The following SGCZ variants were observed in gnomAD, a reference collection of about 807,000 sequenced individuals.
SGCZ encodes the protein zeta-sarcoglycan.
A neutral mutation model predicts 41.3 loss-of-function variants in SGCZ; 40 were observed. The ratio of observed to expected loss-of-function variants is 0.97; its 90% confidence interval spans 0.75 to 1.26. SGCZ has a LOEUF of 1.26. SGCZ is among the 50% of genes most tolerant of loss of function. The pLI is 0.00. For missense variants in SGCZ, 552 were observed against 369.8 expected, an observed-to-expected ratio of 1.49 and a Z score of -4.04; for synonymous variants, 206 against 137.5, an observed-to-expected ratio of 1.50 and a Z score of -3.49.
intron 1 of SGCZ, among the ~76,000 whole-genome samples, chr8:15,163,227 G>A (rs537068119): frequency 4.6e-4 from 70 of 152,264 alleles, no homozygotes; most frequent in Non-Finnish European, 6.9e-4. Context: ...GTCGGCCACC[G>A]TTTTAAACAC....
intron 4 of SGCZ, among the ~76,000 whole-genome samples, chr8:14,183,412 T>C (rs751087501): frequency 4.6e-5 from 7 of 152,182 alleles, no homozygotes; most frequent in Admixed American, 1.3e-4. Context: ...ATGAGGTTAG[T>C]AGAATTTTGC....
At position 14,462,130 on chromosome 8, in the gene SGCZ, A is replaced by T. The variant is rs148608455; in HGVS notation, c.234+92602T>A. Among the ~76,000 whole-genome samples, 683 of 152,160 alleles carry T rather than the reference A, an allele frequency of 4.5e-3. 8 individuals carry two copies. The highest frequency in any genetic ancestry group is 0.015 in the African/African-American group (628 of 41,542). On this transcript the variant is annotated intron_variant, in intron 2 of 7. Transcript: ENST00000382080. ...TTGACTCTTCTCATAGACATGTTTT[A>T]AATATTTAACATTGTGACACTCAAT...
At chr8:14,205,398 A>T (rs1471944196) in intron 4 of SGCZ, among the ~76,000 whole-genome samples, 1 of 152,184 alleles carries the variant, frequency 6.6e-6, no homozygotes. Flanking sequence ...AGAAAGTTAA[A>T]ATTTAATGTT....
rs537675828 is a variant in SGCZ at position 14,514,561 on chromosome 8, A to G, written c.234+40171T>C. On this transcript the variant is annotated intron_variant, in intron 2 of 7. Coordinates refer to ENST00000382080, the MANE Select transcript of SGCZ (RefSeq NM_139167.4). ...TTATCATCAGTGTATGAATTTTCTC[A>G]TGTTCCCTCTCATACATATATATTA... Among the ~76,000 whole-genome samples, 35 of 151,306 alleles carry G rather than the reference A, an allele frequency of 2.3e-4. 1 individual carries two copies. The highest frequency in any genetic ancestry group is 7.5e-4 in the African/African-American group (31 of 41,346).
chr8:14,390,559 C>G (rs1210110438), intron 2 of SGCZ, among the ~76,000 whole-genome samples: 2 of 151,662 alleles, frequency 1.3e-5, no homozygotes, highest in Non-Finnish European at 3.0e-5. Flanking sequence ...CTGAAAAATT[C>G]TGATTTAAAA....
chr8:15,186,262 C>CAAAAAAAAAAAAAAAAAAAA lies in SGCZ; in HGVS notation c.39+51303_39+51322dup, dbSNP rs61237091. 7.4e-5 allele frequency among the ~76,000 whole-genome samples: 6 copies of CAAAAAAAAAAAAAAAAAAAA among 80,718 alleles called. 1 individual carries two copies. The highest frequency in any genetic ancestry group is 2.8e-4 in the Admixed American group (2 of 7,204). The allele number at this position is 80,718 out of a possible 152,430, so 53.0% of individuals were successfully genotyped here. On this transcript the variant is annotated intron_variant, in intron 1 of 7. Coordinates refer to ENST00000382080, the MANE Select transcript of SGCZ (RefSeq NM_139167.4). ...GGGCAACAGAGGGAAGATTCCGTAC[C>CAAAAAAAAAAAAAAAAAAAA]AAAAAAAAAAAAAAAAAAAAAAAAA...
intron 1 of SGCZ, among the ~76,000 whole-genome samples, chr8:15,081,128 AACTCAT>A (rs1805732839): frequency 6.6e-6 from 1 of 152,142 alleles, no homozygotes. Context: ...AACCCTAGCA[AACTCAT>A]ATAGTATGCT....
chr8:14,958,834 T>C (rs925631684), intron 1 of SGCZ, among the ~76,000 whole-genome samples: 1 of 151,990 alleles, frequency 6.6e-6, no homozygotes, highest in Non-Finnish European at 1.5e-5. Context: ...AATATAAAGG[T>C]TGAATGACAG....
intron 1 of SGCZ, among the ~76,000 whole-genome samples, chr8:14,580,650 T>C (rs978188388): frequency 2.6e-5 from 4 of 152,202 alleles, no homozygotes; most frequent in African/African-American, 7.2e-5. Flanking sequence ...TATCAATACA[T>C]GGATTAGGAC....
intron 1 of SGCZ, among the ~76,000 whole-genome samples, chr8:15,124,752 GGGAA>G (rs1264680368): frequency 6.6e-6 from 1 of 151,982 alleles, no homozygotes; most frequent in African/African-American, 2.4e-5. Context: ...ATGCCAAAGG[GGGAA>G]CATAAGATCA....
intron 2 of SGCZ, among the ~76,000 whole-genome samples, chr8:14,472,003 A>T (rs1415940957): frequency 6.6e-6 from 1 of 152,052 alleles, no homozygotes; most frequent in Non-Finnish European, 1.5e-5. Flanking sequence ...GCAGTTAATA[A>T]ATAATAATAA....
chr8:14,822,183 T>C (rs778212788), intron 1 of SGCZ, among the ~76,000 whole-genome samples: 45 of 152,190 alleles, frequency 3.0e-4, no homozygotes, highest in Non-Finnish European at 5.4e-4. Context: ...ATAGCGTTTG[T>C]ATAGGCTAAT....
intron 2 of SGCZ, among the ~76,000 whole-genome samples, chr8:14,492,737 G>A (rs374583044): frequency 6.6e-6 from 1 of 152,126 alleles, no homozygotes; most frequent in African/African-American, 2.4e-5. Flanking sequence ...ATTTGGAAAA[G>A]TTCCATTTCG....
At chr8:14,152,989 A>T (rs1422819499) in intron 5 of SGCZ, among the ~76,000 whole-genome samples, 1 of 152,108 alleles carries the variant, frequency 6.6e-6, no homozygotes, top group African/African-American at 2.4e-5. Context: ...TGTAGAAATG[A>T]AGAACAAATA....
In SGCZ at chr8:14,632,007, T is replaced by G. The variant is rs549793215; in HGVS notation, c.40-77081A>C. The stretch of plus-strand genomic sequence containing the variant: ...ACATTTTACTTTTCTTGTTAGTGCT[T>G]AAATTATTTTATTTTATTTATTTAT... On this transcript the variant is annotated intron_variant, in intron 1 of 7. Coordinates refer to ENST00000382080, the MANE Select transcript of SGCZ (RefSeq NM_139167.4). Among the ~76,000 whole-genome samples, 198 of 151,456 alleles carry G rather than the reference T, an allele frequency of 1.3e-3. 3 individuals are homozygous for G. Among genetic ancestry groups the G allele is most frequent in the African/African-American group, 4.1e-3 (171 of 41,308 alleles).
rs531019407 is a variant in SGCZ at position 14,628,734 on chromosome 8, C to A, written c.40-73808G>T. Among the ~76,000 whole-genome samples, 35 of 152,156 alleles carry A rather than the reference C, an allele frequency of 2.3e-4. No homozygotes were observed. The East Asian group carries it at 6.2e-3, about 27-fold the overall frequency. On this transcript the variant is annotated intron_variant, in intron 1 of 7. Coordinates refer to ENST00000382080, the MANE Select transcript of SGCZ (RefSeq NM_139167.4). The stretch of plus-strand genomic sequence containing the variant: ...TTTCATTTTGGTTATCTCCTCATAA[C>A]CTAAAAATTGAAAATGTCTGCTTTC...
chr8:14,338,820 G>A (rs1409702622), intron 2 of SGCZ, among the ~76,000 whole-genome samples: 1 of 152,096 alleles, frequency 6.6e-6, no homozygotes, highest in East Asian at 1.9e-4. Context: ...TGCTACAAAT[G>A]TGTATGTAAG....
intron 1 of SGCZ, among the ~76,000 whole-genome samples, chr8:15,212,797 C>T (rs1041791637): frequency 6.6e-6 from 1 of 151,988 alleles, no homozygotes; most frequent in Non-Finnish European, 1.5e-5. Flanking sequence ...ACTAAAGAAC[C>T]ACCCACAGCT....
intron 1 of SGCZ, among the ~76,000 whole-genome samples, chr8:14,755,035 T>C (rs948229437): frequency 5.9e-5 from 9 of 152,196 alleles, no homozygotes; most frequent in African/African-American, 2.2e-4. Context: ...TGGCCTGGAT[T>C]TCTCAACATA....
Sources: gnomAD v4.1 joint callset for allele counts (sites outside exome capture counted in the v4.1 genomes callset) on GRCh38, gnomAD v4.1.1 for gene constraint, MANE v1.5 for transcripts, NCBI Gene and HGNC (gene_info 2026-07-23, HGNC 2026-07-21) for gene names.